Variants in PPARG observed in about 807,000 individuals in gnomAD.
The protein encoded by PPARG is peroxisome proliferator activated receptor gamma, also known as peroxisome proliferator-activated receptor gamma.
In PPARG, 17 loss-of-function variants were observed where a neutral mutation model predicts 39.2. That is an observed-to-expected ratio of 0.43 (90% CI 0.30 to 0.65). PPARG has a LOEUF of 0.65. PPARG is among the 30% of genes least tolerant of loss of function. PPARG has a pLI of 0.13. For missense variants in PPARG, 406 were observed against 585.9 expected (o/e 0.69, Z 3.17); for synonymous variants, 223 against 215.7 (o/e 1.03, Z -0.30).
At chr3:12,412,682 C>T (rs945344782) in intron 6 of PPARG, among the ~76,000 whole-genome samples, 3 of 152,140 alleles carry the variant, frequency 2.0e-5, no homozygotes, top group African/African-American at 7.2e-5. Flanking sequence ...GCTAATGAAG[C>T]TTCATGGGGC....
intron 5 of PPARG, among the ~76,000 whole-genome samples, chr3:12,399,893 G>C (rs1199210954): frequency 6.6e-6 from 1 of 151,218 alleles, no homozygotes; most frequent in Non-Finnish European, 1.5e-5. Flanking sequence ...GGGAGGCTGA[G>C]GCAGAATGAT....
intron 1 of PPARG, among the ~76,000 whole-genome samples, chr3:12,306,563 T>C (rs955448090): frequency 6.6e-6 from 1 of 152,206 alleles, no homozygotes. Flanking sequence ...GGGAATGAGA[T>C]GTCCACATCC....
At chr3:12,335,481 ATGTC>A (rs1431845472) in intron 2 of PPARG, among the ~76,000 whole-genome samples, 2 of 152,148 alleles carry the variant, frequency 1.3e-5, no homozygotes, top group Non-Finnish European at 2.9e-5. Context: ...TGTGTGGTGA[ATGTC>A]TGTCACCTCT....
chr3:12,354,458 AG>A lies in PPARG; in HGVS notation c.-8-25245del, dbSNP rs772963991. ...AGAATAGAAGGCTCCGTTTAAAAAAAGAAAAGGCTGGGTACAGTGGCTCACA... is the reference window on the plus strand; with the variant it reads ...AGAATAGAAGGCTCCGTTTAAAAAAAAAAAGGCTGGGTACAGTGGCTCACA... On this transcript the variant is annotated intron_variant, in intron 2 of 7. Coordinates refer to ENST00000651735, the MANE Select transcript of PPARG (RefSeq NM_138711.6). 1.2e-3 allele frequency among the ~76,000 whole-genome samples: 172 copies of A among 141,542 alleles called. 1 individual carries two copies. The highest frequency in any genetic ancestry group is 3.7e-3 in the African/African-American group (149 of 40,412). The allele number at this position is 141,542 out of a possible 152,430, so 92.9% of individuals were successfully genotyped here. A position where few individuals can be genotyped will look rare whatever the true frequency, so the allele number is the denominator to read the frequency against.
rs2051780285 is a variant in PPARG at position 12,434,181 on chromosome 3, T to C, written c.*36T>C. On this transcript the variant is annotated 3_prime_UTR_variant, in exon 8 of 8. Coordinates refer to ENST00000651735, the MANE Select transcript of PPARG (RefSeq NM_138711.6). The surrounding 1 kb of genome is among the most constrained non-coding windows in gnomAD (Gnocchi z 4.2). ...TGAGCCACTGCCAACATTTCCCTTC[T>C]TCCAGTTGCACTATTCTGAGGGAAA... is the stretch of plus-strand genomic sequence containing the variant. 4 of 1,613,724 alleles carry C rather than the reference T, an allele frequency of 2.5e-6. No individual in the cohort carries two copies. The highest frequency in any genetic ancestry group is 1.7e-5 in the Admixed American group (1 of 59,988).
rs749662645 is a variant in PPARG at position 12,381,392 on chromosome 3, T to C, written c.291T>C (p.His97=). The C allele has an allele frequency of 6.2e-6, 10 of 1,613,458 alleles. No individual in the cohort carries two copies. The highest frequency in any genetic ancestry group is 8.5e-6 in the Non-Finnish European group (10 of 1,179,732). ...AGACTCAGCTCTACAATAAGCCTCA[T>C]GAAGAGCCTTCCAACTCCCTCATGG... The part of the protein sequence containing the change: ...SEKTQLYNKP[H]EEPSNSLMAI... The change falls in exon 4 of 8, where the codon CAT becomes CAC. Residue 97 remains histidine, a synonymous_variant. Transcript: ENST00000651735.
chr3:12,318,565 A>G (rs1574980526), intron 2 of PPARG, among the ~76,000 whole-genome samples: 1 of 152,222 alleles, frequency 6.6e-6, no homozygotes, highest in Non-Finnish European at 1.5e-5. Flanking sequence ...TATGTTTACA[A>G]TATATTAAAA....
At chr3:12,387,948 A>G (rs1003728812) in intron 4 of PPARG, among the ~76,000 whole-genome samples, 2 of 152,138 alleles carry the variant, frequency 1.3e-5, no homozygotes, top group Non-Finnish European at 1.5e-5. Flanking sequence ...TTCCTCTCCT[A>G]GCCATGCCAA....
chr3:12,336,930 G>T (rs1268923300), intron 2 of PPARG, among the ~76,000 whole-genome samples: 1 of 152,190 alleles, frequency 6.6e-6, no homozygotes, highest in Non-Finnish European at 1.5e-5. Flanking sequence ...TAAAAATACA[G>T]TAGCTTGTCT....
Position 12,381,354 on chromosome 3 carries a change from T to C in PPARG, c.253T>C (p.Tyr85His). ...AIKVEPASPP[Y>H]YSEKTQLYNK... ...CAAAGTGGAGCCTGCATCTCCACCT[T>C]ATTATTCTGAGAAGACTCAGCTCTA... Residue 85 changes from tyrosine (Y) to histidine (H), a missense_variant, in exon 4 of 8, where the codon TAT becomes CAT. By Grantham distance (83) the Tyr-to-His change is moderately conservative. Coordinates refer to ENST00000651735, the MANE Select transcript of PPARG (RefSeq NM_138711.6). The C allele has an allele frequency of 6.2e-7, 1 of 1,613,396 alleles. No homozygotes were observed. The highest frequency in any genetic ancestry group is 8.5e-7 in the Non-Finnish European group (1 of 1,179,694).
intron 1 of PPARG, among the ~76,000 whole-genome samples, chr3:12,298,806 G>C (rs369057535): frequency 6.6e-6 from 1 of 152,060 alleles, no homozygotes; most frequent in South Asian, 2.1e-4. Context: ...GATCTACTGA[G>C]ACTGATGCGT....
intron 2 of PPARG, among the ~76,000 whole-genome samples, chr3:12,334,916 T>C (rs2047967151): frequency 6.6e-6 from 1 of 152,228 alleles, no homozygotes; most frequent in Admixed American, 6.5e-5. Context: ...TTTATTCCCA[T>C]ACTTAACTTT....
At chr3:12,290,602 G>A (rs144421220) in intron 1 of PPARG, among the ~76,000 whole-genome samples, 2 of 152,130 alleles carry the variant, frequency 1.3e-5, no homozygotes, top group African/African-American at 4.8e-5. Flanking sequence ...AAGAGAAAAG[G>A]TGTGACATGA....
At chr3:12,383,138 A>ATAC (rs2049744532) in intron 4 of PPARG, among the ~76,000 whole-genome samples, 1 of 152,198 alleles carries the variant, frequency 6.6e-6, no homozygotes, top group Admixed American at 6.6e-5. Context: ...AGCCAGTCAC[A>ATAC]TACACATTGT....
At chr3:12,403,261 C>G (rs2050541178) in intron 5 of PPARG, among the ~76,000 whole-genome samples, 2 of 150,258 alleles carry the variant, frequency 1.3e-5, no homozygotes, top group South Asian at 2.1e-4. Flanking sequence ...CCACTGCACT[C>G]CAGCCTGGGT....
chr3:12,374,424 C>A (rs912367970), intron 2 of PPARG, among the ~76,000 whole-genome samples: 12 of 151,880 alleles, frequency 7.9e-5, no homozygotes, highest in Non-Finnish European at 1.8e-4. Context: ...CATAGTGAAA[C>A]CCCTTCTCTA....
intron 2 of PPARG, among the ~76,000 whole-genome samples, chr3:12,322,639 A>C (rs1416490123): frequency 6.6e-6 from 1 of 152,224 alleles, no homozygotes; most frequent in Non-Finnish European, 1.5e-5. Flanking sequence ...GAGGAGCTTC[A>C]TGGGGAAAGA....
intron 6 of PPARG, among the ~76,000 whole-genome samples, chr3:12,415,991 A>G (rs567966511): frequency 2.8e-4 from 42 of 152,394 alleles, no homozygotes; most frequent in African/African-American, 9.6e-4. Context: ...GGTATTTTCA[A>G]CGCTGAGTTG....
At chr3:12,288,023 C>T (rs2046551117), upstream of PPARG, 1 of 151,580 alleles carries the variant, frequency 6.6e-6, no homozygotes, top group African/African-American at 2.4e-5. Context: ...GGCCGCAGGT[C>T]AGAGTACGGG....
Sources: gnomAD v4.1 joint callset for allele counts (sites outside exome capture counted in the v4.1 genomes callset) on GRCh38, gnomAD v4.1.1 for gene constraint, Gnocchi (gnomAD v3.1) non-coding constraint, MANE v1.5 for transcripts, NCBI Gene and HGNC (gene_info 2026-07-23, HGNC 2026-07-21) for gene names.